Variants in SH3PXD2B observed in about 807,000 individuals in gnomAD.
SH3PXD2B encodes the protein SH3 and PX domains 2B, also known as SH3 and PX domain-containing protein 2B.
SH3PXD2B carries 37 observed loss-of-function variants against 73.1 expected under a neutral mutation model. The observed-to-expected ratio is 0.51, with a 90% CI of 0.39 to 0.67. The LOEUF is 0.67. Ranked by LOEUF, SH3PXD2B falls within the 30% of genes least tolerant of loss-of-function variation. SH3PXD2B has a pLI of 0.00. For missense variants in SH3PXD2B, 1,053 were observed against 1,197.8 expected, an observed-to-expected ratio of 0.88 and a Z score of 1.78; for synonymous variants, 457 against 480.5, an observed-to-expected ratio of 0.95 and a Z score of 0.64.
intron 6 of SH3PXD2B, among the ~76,000 whole-genome samples, chr5:172,369,814 G>A (rs1218850886): frequency 2.2e-4 from 15 of 66,760 alleles, no homozygotes; most frequent in African/African-American, 8.0e-4. Context: ...TCCCCACCCC[G>A]CCCCAGCTTT....
rs1213106810 is a variant in SH3PXD2B at position 172,348,638 on chromosome 5, GTATCTATCTATCTATCCTATCTATC to G, written c.1013-1331_1013-1307del. On this transcript the variant is annotated intron_variant, in intron 10 of 12. Coordinates refer to ENST00000311601, the MANE Select transcript of SH3PXD2B (RefSeq NM_001017995.3). Reference sequence around the variant, plus strand: ...TGAATCTATCTATGTATCTATCTATGTATCTATCTATCTATCCTATCTATCTATCTATCTATCTATCTATCTATCT... The same window carrying G: ...TGAATCTATCTATGTATCTATCTATGTATCTATCTATCTATCTATCTATCT... Among the ~76,000 whole-genome samples the G allele has an allele frequency of 1.0e-3, 76 of 72,568 alleles. 1 individual carries two copies. Among genetic ancestry groups the G allele is most frequent in the East Asian group, 7.1e-3 (4 of 564 alleles). The allele number at this position is 72,568 out of a possible 152,430, so 47.6% of individuals were successfully genotyped here.
downstream of SH3PXD2B, among the ~76,000 whole-genome samples, chr5:172,332,479 G>A (rs560480425): frequency 6.6e-6 from 1 of 150,968 alleles, no homozygotes; most frequent in East Asian, 1.9e-4. Context: ...GCCCAGCCTG[G>A]TCTCAAACTC....
chr5:172,435,832 C>T (rs1474440940), intron 1 of SH3PXD2B, among the ~76,000 whole-genome samples: 1 of 71,168 alleles, frequency 1.4e-5, no homozygotes, highest in Non-Finnish European at 4.4e-5. Context: ...TGACTGAAGA[C>T]AACATCTCAA....
chr5:172,356,443 T>C (rs746719325), intron 8 of SH3PXD2B, among the ~76,000 whole-genome samples: 1 of 152,172 alleles, frequency 6.6e-6, no homozygotes, highest in Non-Finnish European at 1.5e-5. Flanking sequence ...AGGTCACTGG[T>C]TCAGCCTTAT....
chr5:172,368,855 A>G (rs1318536876), intron 6 of SH3PXD2B, among the ~76,000 whole-genome samples: 19 of 129,908 alleles, frequency 1.5e-4, no homozygotes, highest in Admixed American at 4.6e-4. Flanking sequence ...AATATATAGT[A>G]TATATATATG....
chr5:172,439,684 A>ATG lies in SH3PXD2B; in HGVS notation c.75+14593_75+14594insCA, dbSNP rs1554087673. On this transcript the variant is annotated intron_variant, in intron 1 of 12. Coordinates refer to ENST00000311601, the MANE Select transcript of SH3PXD2B (RefSeq NM_001017995.3). ...GGTATGTGTGTGCGTGCGTGCGCGC[A>ATG]CGCGCGCGCACACACACACACACAC... is the stretch of plus-strand genomic sequence containing the variant. Among the ~76,000 whole-genome samples, 477 of 103,254 alleles carry ATG rather than the reference A, an allele frequency of 4.6e-3. 3 individuals are homozygous for ATG. The highest frequency in any genetic ancestry group is 0.019 in the African/African-American group (419 of 22,626). The allele number at this position is 103,254 out of a possible 152,430, so 67.7% of individuals were successfully genotyped here. A position where few individuals can be genotyped will look rare whatever the true frequency, so the allele number is the denominator to read the frequency against.
At chr5:172,403,232 C>T (rs1758472414) in intron 3 of SH3PXD2B, among the ~76,000 whole-genome samples, 1 of 152,234 alleles carries the variant, frequency 6.6e-6, no homozygotes, top group African/African-American at 2.4e-5. Context: ...ATTTTTCAGG[C>T]AGCATCCTCT....
downstream of SH3PXD2B, among the ~76,000 whole-genome samples, chr5:172,332,256 CT>C (rs57471345): frequency 9.7e-4 from 139 of 142,970 alleles, 2 homozygotes; most frequent in East Asian, 1.2e-3. Context: ...TTTTTCCTTC[CT>C]TTTTTTTTTT....
chr5:172,364,636 G>A (rs1340716151), intron 6 of SH3PXD2B, among the ~76,000 whole-genome samples: 2 of 152,180 alleles, frequency 1.3e-5, no homozygotes, highest in African/African-American at 4.8e-5. Context: ...CTGCACTCCA[G>A]CCTGGGTGAC....
intron 7 of SH3PXD2B, among the ~76,000 whole-genome samples, chr5:172,359,912 A>G (rs1041406809): frequency 1.3e-5 from 2 of 152,192 alleles, no homozygotes; most frequent in African/African-American, 4.8e-5. Flanking sequence ...GCTGTTGAGG[A>G]AAGACACAGA....
At chr5:172,435,664 T>C (rs1759371584) in intron 1 of SH3PXD2B, among the ~76,000 whole-genome samples, 1 of 152,178 alleles carries the variant, frequency 6.6e-6, no homozygotes, top group African/African-American at 2.4e-5. Flanking sequence ...CCTCAAGCGA[T>C]CTACCTGCCT....
At chr5:172,371,916 C>T (rs139339692) in intron 6 of SH3PXD2B, among the ~76,000 whole-genome samples, 65 of 152,284 alleles carry the variant, frequency 4.3e-4, no homozygotes, top group African/African-American at 1.3e-3. Context: ...CCCCGGGGCT[C>T]GGGAACTATT....
downstream of SH3PXD2B, among the ~76,000 whole-genome samples, chr5:172,328,941 A>T (rs982959339): frequency 4.0e-5 from 6 of 151,882 alleles, no homozygotes; most frequent in African/African-American, 1.2e-4. Context: ...CCCACGTAAC[A>T]ATATTGTACA....
intron 3 of SH3PXD2B, among the ~76,000 whole-genome samples, chr5:172,405,069 G>A (rs1758521574): frequency 6.6e-6 from 1 of 152,238 alleles, no homozygotes; most frequent in East Asian, 1.9e-4. Context: ...TATTATACTT[G>A]AAGCAGTAAC....
chr5:172,344,017 T>TTTTGACCTCTTGGGAC (rs1756920889), intron 12 of SH3PXD2B, among the ~76,000 whole-genome samples: 1 of 151,972 alleles, frequency 6.6e-6, no homozygotes, highest in Non-Finnish European at 1.5e-5. Context: ...GATGCTGGTA[T>TTTTGACCTCTTGGGAC]TTTGACCTCT....
At chr5:172,434,479 G>A (rs750609044) in intron 1 of SH3PXD2B, among the ~76,000 whole-genome samples, 1 of 152,138 alleles carries the variant, frequency 6.6e-6, no homozygotes, top group Non-Finnish European at 1.5e-5. Context: ...CCCCAGGGTC[G>A]GATGATGTGA....
At chr5:172,444,691 G>A (rs1407782850) in intron 1 of SH3PXD2B, among the ~76,000 whole-genome samples, 1 of 152,066 alleles carries the variant, frequency 6.6e-6, no homozygotes, top group Non-Finnish European at 1.5e-5. Context: ...TCTGCACATG[G>A]CTCATTTGGA....
intron 1 of SH3PXD2B, among the ~76,000 whole-genome samples, chr5:172,437,116 A>G (rs1028673118): frequency 5.3e-5 from 8 of 152,104 alleles, no homozygotes; most frequent in African/African-American, 1.4e-4. Context: ...CCCAAGGTGG[A>G]TAAGTATGGT....
intron 12 of SH3PXD2B, 59 bp downstream of exon 12, chr5:172,346,077 G>C: frequency 6.8e-6 from 11 of 1,612,204 alleles, no homozygotes; most frequent in Non-Finnish European, 9.3e-6. Context: ...GGGAGAAGTA[G>C]GAGGTGATGC....
Sources: gnomAD v4.1 joint callset for allele counts (sites outside exome capture counted in the v4.1 genomes callset) on GRCh38, gnomAD v4.1.1 for gene constraint, MANE v1.5 for transcripts, NCBI Gene and HGNC (gene_info 2026-07-23, HGNC 2026-07-21) for gene names.